The following DNAI7 variants were observed in gnomAD, a reference collection of about 807,000 sequenced individuals.
DNAI7 encodes cancer susceptibility 1.
A neutral mutation model predicts 86.6 loss-of-function variants in DNAI7; 78 were observed. The observed-to-expected ratio is 0.90, with a 90% CI of 0.75 to 1.09. The LOEUF is 1.09. Ranked by LOEUF, DNAI7 falls within the 50% of genes least tolerant of loss-of-function variation. The pLI, the probability that DNAI7 is intolerant of heterozygous loss-of-function variation, is 0.00. For missense variants in DNAI7, 753 were observed against 810.2 expected (o/e 0.93, Z 0.86); for synonymous variants, 274 against 273.0 (o/e 1.00, Z -0.04).
At chr12:25,128,266 A>G (rs572533005) in intron 9 of DNAI7, among the ~76,000 whole-genome samples, 2 of 152,358 alleles carry the variant, frequency 1.3e-5, no homozygotes, top group South Asian at 2.1e-4. Context: ...AAATTTTACT[A>G]TAACTCAAAA....
At chr12:25,117,280 C>T (rs1940313643) in intron 12 of DNAI7, among the ~76,000 whole-genome samples, 2 of 152,178 alleles carry the variant, frequency 1.3e-5, no homozygotes, top group Admixed American at 6.5e-5. Context: ...AATAATACAT[C>T]TTGTAGGTCT....
chr12:25,140,949 A>G (rs1274089103), intron 9 of DNAI7, among the ~76,000 whole-genome samples: 1 of 152,208 alleles, frequency 6.6e-6, no homozygotes, highest in Non-Finnish European at 1.5e-5. Flanking sequence ...AAACAAAAAC[A>G]TAAAGTGGGG....
At chr12:25,143,578 G>C (rs1053119196) in intron 9 of DNAI7, among the ~76,000 whole-genome samples, 1 of 152,118 alleles carries the variant, frequency 6.6e-6, no homozygotes, top group Non-Finnish European at 1.5e-5. Context: ...TAAATCACGT[G>C]TTCTTAGAGT....
At chr12:25,129,001 C>G (rs1942513600) in intron 9 of DNAI7, among the ~76,000 whole-genome samples, 1 of 152,208 alleles carries the variant, frequency 6.6e-6, no homozygotes, top group African/African-American at 2.4e-5. Flanking sequence ...TGGCTTCTGC[C>G]TCCCTTTCCA....
At chr12:25,133,228 C>T (rs1035644800) in intron 9 of DNAI7, among the ~76,000 whole-genome samples, 1 of 151,454 alleles carries the variant, frequency 6.6e-6, no homozygotes, top group Admixed American at 6.6e-5. Flanking sequence ...ACTGCCCCAG[C>T]ACCAATTGTT....
At chr12:25,181,759 A>G (rs1949523068) in intron 2 of DNAI7, among the ~76,000 whole-genome samples, 1 of 152,204 alleles carries the variant, frequency 6.6e-6, no homozygotes, top group South Asian at 2.1e-4. Flanking sequence ...ATAAGTGGCA[A>G]CACACATGAA....
Position 25,123,474 on chromosome 12 carries a change from A to G in DNAI7, c.1003-188T>C, listed in dbSNP as rs549518862. Among the ~76,000 whole-genome samples the G allele has an allele frequency of 2.2e-4, 34 of 152,348 alleles. 1 individual carries two copies. Among genetic ancestry groups the G allele is most frequent in the African/African-American group, 7.7e-4 (32 of 41,584 alleles). On this transcript the variant is annotated intron_variant, in intron 9 of 15. Coordinates refer to ENST00000395987, the MANE Select transcript of DNAI7 (RefSeq NM_018272.5). ...ATTTTAACAAGCAATTAAAATATCT[A>G]CAAAACTTCACAAGGGCAAGAGGTT...
intron 9 of DNAI7, among the ~76,000 whole-genome samples, chr12:25,139,443 T>C (rs568766133): frequency 1.3e-5 from 2 of 152,202 alleles, no homozygotes; most frequent in Non-Finnish European, 2.9e-5. Context: ...CTGATGAACA[T>C]AGATGTAAAA....
At chr12:25,128,278 A>G (rs1034365284) in intron 9 of DNAI7, among the ~76,000 whole-genome samples, 3 of 152,212 alleles carry the variant, frequency 2.0e-5, no homozygotes, top group Admixed American at 6.5e-5. Context: ...AACTCAAAAT[A>G]AATTGTTGGA....
intron 2 of DNAI7, among the ~76,000 whole-genome samples, chr12:25,176,356 G>A (rs1948959408): frequency 6.6e-6 from 1 of 151,860 alleles, no homozygotes; most frequent in African/African-American, 2.4e-5. Context: ...TCTAGATTGA[G>A]TTAATCTTAT....
chr12:25,161,862 C>T (rs1946869822), intron 2 of DNAI7, among the ~76,000 whole-genome samples: 2 of 151,284 alleles, frequency 1.3e-5, no homozygotes, highest in South Asian at 2.1e-4. Flanking sequence ...AAGGCTAGAG[C>T]CTATGCTAAA....
intron 11 of DNAI7, among the ~76,000 whole-genome samples, 192 bp downstream of exon 11, chr12:25,121,561 G>A (rs764499613): frequency 1.3e-5 from 2 of 152,050 alleles, no homozygotes; most frequent in Admixed American, 6.5e-5. Flanking sequence ...TAGTACAAAC[G>A]TCATATTATT....
chr12:25,169,085 A>T (rs1285341645), intron 2 of DNAI7, among the ~76,000 whole-genome samples: 1 of 152,084 alleles, frequency 6.6e-6, no homozygotes, highest in Non-Finnish European at 1.5e-5. Context: ...TATTTTTCTT[A>T]TTAATATAAG....
intron 2 of DNAI7, among the ~76,000 whole-genome samples, chr12:25,163,403 T>C (rs532855342): frequency 2.0e-5 from 3 of 152,164 alleles, no homozygotes; most frequent in Non-Finnish European, 4.4e-5. Flanking sequence ...TTAAAAGCTC[T>C]CCTACTGAGC....
intron 9 of DNAI7, among the ~76,000 whole-genome samples, chr12:25,124,489 A>G (rs10842474): frequency 0.69 from 104,686 of 152,072 alleles, 39,876 homozygotes; most frequent in East Asian, 0.99. Context: ...ATATTTTTGT[A>G]AGTGTTGTAG....
At chr12:25,194,933 G>A in intron 1 of DNAI7, 143 bp downstream of exon 1, 1 of 1,614,134 alleles carries the variant, frequency 6.2e-7, no homozygotes, top group Non-Finnish European at 8.5e-7. Flanking sequence ...GAAGAGGGCC[G>A]ACCCACCCCA....
At chr12:25,190,004 AAAAAG>A (rs1342310258) in intron 2 of DNAI7, among the ~76,000 whole-genome samples, 1,895 of 58,204 alleles carry the variant, frequency 0.033, 43 homozygotes, top group African/African-American at 0.083. Context: ...AAAAAAAAAA[AAAAAG>A]CACTTCTAAG....
At chr12:25,119,695 T>C (rs1405825657) in intron 11 of DNAI7, among the ~76,000 whole-genome samples, 1 of 152,202 alleles carries the variant, frequency 6.6e-6, no homozygotes, top group Non-Finnish European at 1.5e-5. Flanking sequence ...TCACATGCTC[T>C]AATACCATGC....
chr12:25,116,987 G>A (rs6487456), intron 12 of DNAI7, among the ~76,000 whole-genome samples: 60,345 of 151,948 alleles, frequency 0.4, 13,856 homozygotes, highest in East Asian at 0.77. Context: ...CACCCTGAGT[G>A]CTGGGGCATG....
Sources: allele counts gnomAD v4.1 joint callset (sites outside exome capture counted in the v4.1 genomes callset), GRCh38; gene constraint gnomAD v4.1.1; transcripts MANE v1.5; gene names NCBI Gene and HGNC (gene_info 2026-07-23, HGNC 2026-07-21).